Variants in SLC35F3 observed in about 807,000 individuals in gnomAD.
The protein encoded by SLC35F3 is putative thiamine transporter SLC35F3.
SLC35F3 carries 25 observed loss-of-function variants against 49.9 expected under a neutral mutation model. The ratio of observed to expected loss-of-function variants is 0.50; its 90% CI spans 0.37 to 0.70. The LOEUF (loss-of-function observed/expected upper bound fraction) is 0.70. Ranked by LOEUF, SLC35F3 falls within the 30% of genes least tolerant of loss-of-function variation. The probability of loss-of-function intolerance (pLI) is 0.00; values close to 1 mark genes in which losing one functional copy is unlikely to be tolerated. For missense variants in SLC35F3, 525 were observed against 639.8 expected (o/e 0.82, Z 1.94); for synonymous variants, 275 against 265.4 (o/e 1.04, Z -0.35).
intron 2 of SLC35F3, among the ~76,000 whole-genome samples, chr1:234,144,678 T>C (rs908917208): frequency 7.9e-5 from 12 of 152,224 alleles, no homozygotes; most frequent in African/African-American, 2.9e-4. Context: ...ATTCACTTAA[T>C]AAATATCTAC....
intron 2 of SLC35F3, among the ~76,000 whole-genome samples, chr1:234,079,374 G>T (rs967613354): frequency 3.9e-5 from 6 of 152,152 alleles, no homozygotes; most frequent in Non-Finnish European, 7.4e-5. Flanking sequence ...AAATATTCAT[G>T]ATTTTAGATT....
intron 2 of SLC35F3, among the ~76,000 whole-genome samples, chr1:234,064,774 A>T (rs1320042721): frequency 6.6e-6 from 1 of 151,670 alleles, no homozygotes; most frequent in Non-Finnish European, 1.5e-5. Context: ...CAGGCATCAT[A>T]GTACCTAGGG....
chr1:234,286,118 T>C (rs1446308813), intron 3 of SLC35F3, among the ~76,000 whole-genome samples: 1 of 152,160 alleles, frequency 6.6e-6, no homozygotes, highest in Non-Finnish European at 1.5e-5. Context: ...AAAGGTCTGA[T>C]AATAACGTTT....
intron 2 of SLC35F3, among the ~76,000 whole-genome samples, chr1:234,110,277 A>G (rs1199704529): frequency 2.6e-5 from 4 of 152,236 alleles, no homozygotes; most frequent in Admixed American, 2.6e-4. Context: ...GAAATAAAAA[A>G]AGGGGATGAC....
intron 2 of SLC35F3, among the ~76,000 whole-genome samples, chr1:234,108,017 G>T (rs1213678176): frequency 6.6e-6 from 1 of 151,224 alleles, no homozygotes; most frequent in Non-Finnish European, 1.5e-5. Context: ...AAGTATGAAT[G>T]ACGGGTAATG....
intron 2 of SLC35F3, among the ~76,000 whole-genome samples, chr1:233,906,897 A>G (rs1282205992): frequency 6.6e-6 from 1 of 152,214 alleles, no homozygotes; most frequent in Non-Finnish European, 1.5e-5. Context: ...TTTTCATGCA[A>G]CTTGCTTTTA....
At chr1:234,257,232 A>G (rs1265106158) in intron 3 of SLC35F3, among the ~76,000 whole-genome samples, 1 of 152,242 alleles carries the variant, frequency 6.6e-6, no homozygotes, top group Non-Finnish European at 1.5e-5. Context: ...TTACATAAAT[A>G]TTCAAGTACT....
chr1:234,225,819 A>G (rs774510987), intron 2 of SLC35F3, among the ~76,000 whole-genome samples: 82 of 152,246 alleles, frequency 5.4e-4, no homozygotes, highest in Non-Finnish European at 9.4e-4. Context: ...CAAATTTGGT[A>G]TATCCATACA....
At chr1:234,146,866 T>C (rs1023612212) in intron 2 of SLC35F3, among the ~76,000 whole-genome samples, 4 of 152,308 alleles carry the variant, frequency 2.6e-5, no homozygotes, top group African/African-American at 7.2e-5. Flanking sequence ...TCTGCTCTTT[T>C]TAATGAAGAC....
intron 2 of SLC35F3, among the ~76,000 whole-genome samples, chr1:233,970,492 T>G (rs1181128368): frequency 6.6e-6 from 1 of 152,194 alleles, no homozygotes; most frequent in African/African-American, 2.4e-5. Flanking sequence ...GAAAAGGACA[T>G]GAATTTAGGG....
chr1:233,978,449 C>T (rs1022022503), intron 2 of SLC35F3, among the ~76,000 whole-genome samples: 1 of 152,154 alleles, frequency 6.6e-6, no homozygotes, highest in Non-Finnish European at 1.5e-5. Context: ...CATTTGTTTT[C>T]CAAAGAACCT....
At chr1:234,196,911 C>T (rs1666822038) in intron 2 of SLC35F3, among the ~76,000 whole-genome samples, 1 of 152,080 alleles carries the variant, frequency 6.6e-6, no homozygotes, top group Non-Finnish European at 1.5e-5. Context: ...CACTGCACTC[C>T]AGCCTGGGCA....
chr1:234,082,160 T>G (rs538993816), intron 2 of SLC35F3, among the ~76,000 whole-genome samples: 2 of 152,220 alleles, frequency 1.3e-5, no homozygotes, highest in African/African-American at 4.8e-5. Context: ...ATAATTCATG[T>G]CTGCCAGCAG....
At chr1:234,295,836 A>G (rs642594) in intron 3 of SLC35F3, among the ~76,000 whole-genome samples, 98,677 of 152,136 alleles carry the variant, frequency 0.65, 34,169 homozygotes, top group East Asian at 0.96. Context: ...TGGGACTCTG[A>G]CGGGCACCCT....
chr1:234,298,953 G>A (rs755692333), intron 3 of SLC35F3, among the ~76,000 whole-genome samples: 13 of 152,192 alleles, frequency 8.5e-5, no homozygotes, highest in Admixed American at 2.0e-4. Context: ...ATTTGCTGGT[G>A]CTTTGCCTTC....
intron 2 of SLC35F3, among the ~76,000 whole-genome samples, chr1:234,042,722 A>C (rs941309451): frequency 3.4e-4 from 52 of 152,176 alleles, no homozygotes; most frequent in African/African-American, 1.1e-3. Flanking sequence ...GTTTATTTCC[A>C]TCTGTATGTT....
chr1:234,244,756 A>G (rs1667606562), intron 3 of SLC35F3, among the ~76,000 whole-genome samples: 4 of 152,170 alleles, frequency 2.6e-5, no homozygotes, highest in Admixed American at 2.6e-4. Context: ...ACTGGCTAGA[A>G]TTTCACAAGT....
At chr1:234,006,507 G>A (rs1024843155) in intron 2 of SLC35F3, among the ~76,000 whole-genome samples, 1 of 152,110 alleles carries the variant, frequency 6.6e-6, no homozygotes, top group African/African-American at 2.4e-5. Context: ...TGTTTTCTCA[G>A]TCAATAGAAT....
chr1:233,948,227 G>GA (rs1491091828), intron 2 of SLC35F3, among the ~76,000 whole-genome samples: 4 of 132,628 alleles, frequency 3.0e-5, no homozygotes, highest in Admixed American at 7.2e-5. Flanking sequence ...GAGGGAGAGA[G>GA]GGAGAGAGAG....
Sources: allele counts gnomAD v4.1 joint callset (sites outside exome capture counted in the v4.1 genomes callset), GRCh38; gene constraint gnomAD v4.1.1; transcripts MANE v1.5; gene names NCBI Gene and HGNC (gene_info 2026-07-23, HGNC 2026-07-21).